TENM3: variants seen among roughly 807,000 people sequenced by gnomAD.
TENM3 encodes teneurin transmembrane protein 3, also known as teneurin-3.
TENM3 carries 63 observed loss-of-function variants against 255.1 expected under a neutral mutation model. The observed-to-expected ratio is 0.25, with a 90% CI of 0.20 to 0.30. The LOEUF (loss-of-function observed/expected upper bound fraction) is 0.30, where lower values mean the gene tolerates loss of function less well. TENM3 is among the 10% of genes least tolerant of loss of function. The pLI is 1.00. For synonymous variants in TENM3, 1,306 were observed against 1,322.3 expected (o/e 0.99, Z 0.27); for missense variants, 2,929 against 3,461.1 (o/e 0.85, Z 3.86).
chr4:181,889,165 G>A, the TENM3 span, among the ~76,000 whole-genome samples: 3 of 152,126 alleles, frequency 2.0e-5, no homozygotes, highest in Non-Finnish European at 4.4e-5. Context: ...TGTTAGAGGT[G>A]GGGCCCGGTG....
intron 1 of TENM3, among the ~76,000 whole-genome samples, chr4:182,252,777 T>C (rs1437966367): frequency 6.6e-6 from 1 of 150,518 alleles, no homozygotes; most frequent in Non-Finnish European, 1.5e-5. Context: ...ATTTATTCAG[T>C]GTCCGTTAAG....
chr4:181,725,297 A>G, the TENM3 span, among the ~76,000 whole-genome samples: 39,043 of 152,142 alleles, frequency 0.26, 5,168 homozygotes, highest in Middle Eastern at 0.33. Context: ...AGTATTGAAA[A>G]TACACATGCA....
At chr4:182,616,401 T>C (rs972419895) in intron 4 of TENM3, among the ~76,000 whole-genome samples, 40 of 149,758 alleles carry the variant, frequency 2.7e-4, no homozygotes, top group East Asian at 7.9e-4. Flanking sequence ...AGGGATAGCA[T>C]TGGGAGATAT....
rs80030802 is a variant in TENM3 at position 182,207,967 on chromosome 4, A to G, written c.-76+63213A>G. 7.1e-3 allele frequency among the ~76,000 whole-genome samples: 1,082 copies of G among 152,306 alleles called. 19 individuals carry two copies. Among genetic ancestry groups the G allele is most frequent in the African/African-American group, 0.025 (1,043 of 41,558 alleles). ...GCTGCTGCTGCTGTTGCTGTAATTT[A>G]CAAGAGAATGTCCTTGAAGTCGTGT... is the stretch of plus-strand genomic sequence containing the variant. On this transcript the variant is annotated intron_variant, in intron 1 of 2. Transcript: ENST00000512480.
the TENM3 span, among the ~76,000 whole-genome samples, chr4:181,670,111 T>G: frequency 6.6e-6 from 1 of 152,204 alleles, no homozygotes; most frequent in Admixed American, 6.6e-5. Flanking sequence ...TAATTTGACT[T>G]CTAGAAATTG....
At chr4:182,548,605 A>T (rs1741692089) in intron 3 of TENM3, 1 of 152,136 alleles carries the variant, frequency 6.6e-6, no homozygotes, top group African/African-American at 2.4e-5. Flanking sequence ...AGCGTGTGGG[A>T]CATTTGTTAA....
At chr4:182,736,730 A>G (rs1027330716) in intron 16 of TENM3, 78 bp from the exon 17 acceptor site, 3 of 1,305,720 alleles carry the variant, frequency 2.3e-6, no homozygotes, top group Non-Finnish European at 3.1e-6. Context: ...AATATAGTGA[A>G]TATGTGCTAC....
chr4:181,887,685 A>T, the TENM3 span, among the ~76,000 whole-genome samples: 1 of 152,220 alleles, frequency 6.6e-6, no homozygotes, highest in African/African-American at 2.4e-5. Context: ...TCTCTTCTGC[A>T]CACGCTCTGA....
the TENM3 span, among the ~76,000 whole-genome samples, chr4:181,747,846 C>A: frequency 6.6e-6 from 1 of 151,818 alleles, no homozygotes; most frequent in Non-Finnish European, 1.5e-5. Flanking sequence ...AGGTAAGAAT[C>A]CGGTTTTCTT....
chr4:182,119,154 G>A, the TENM3 span, among the ~76,000 whole-genome samples: 1 of 152,096 alleles, frequency 6.6e-6, no homozygotes, highest in East Asian at 1.9e-4. Context: ...CCTCCCCCCA[G>A]GTAGATTAGG....
At chr4:182,244,197 C>A (rs1344041890) in intron 1 of TENM3, among the ~76,000 whole-genome samples, 1 of 151,954 alleles carries the variant, frequency 6.6e-6, no homozygotes, top group Non-Finnish European at 1.5e-5. Context: ...TCGTGATCCG[C>A]CCGCCTCGGC....
chr4:181,895,120 G>A, the TENM3 span, among the ~76,000 whole-genome samples: 2 of 151,714 alleles, frequency 1.3e-5, no homozygotes, highest in Non-Finnish European at 2.9e-5. Flanking sequence ...ATTCTAATAA[G>A]CAGGAAGTTA....
At chr4:182,506,162 C>T (rs17322836) in intron 3 of TENM3, among the ~76,000 whole-genome samples, 41,558 of 152,098 alleles carry the variant, frequency 0.27, 6,455 homozygotes, top group South Asian at 0.37. Flanking sequence ...TAGTTACTTA[C>T]CATCGGCTTC....
At chr4:182,248,851 A>G (rs7687160) in intron 1 of TENM3, among the ~76,000 whole-genome samples, 76,961 of 152,054 alleles carry the variant, frequency 0.51, 20,556 homozygotes, top group South Asian at 0.72. Context: ...TTATAACCAT[A>G]TATATCTACA....
At chr4:181,764,125 AG>A in the TENM3 span, among the ~76,000 whole-genome samples, 2 of 152,248 alleles carry the variant, frequency 1.3e-5, no homozygotes, top group Non-Finnish European at 2.9e-5. Flanking sequence ...AGATTTTTCA[AG>A]GGGAAAATTC....
Position 182,628,873 on chromosome 4 carries a change from C to A in TENM3, c.972C>A (p.Leu324=), listed in dbSNP as rs780538741. 1.3e-6 allele frequency: 2 copies of A among 1,595,446 alleles called. No individual in the cohort carries two copies. The highest frequency in any genetic ancestry group is 2.3e-5 in the South Asian group (2 of 88,302). Residue 324 remains leucine, a synonymous_variant, in exon 5 of 28, where the codon CTC becomes CTA. Transcript: ENST00000511685. The part of the protein sequence containing the change: ...AVGVSVLLAI[L]LSYFIAMHLF... ...GGGTCTCGGTGCTCCTGGCAATACT[C>A]CTGTCTTATTTTATAGGTAAGAACA...
At chr4:181,878,604 A>AT in the TENM3 span, among the ~76,000 whole-genome samples, 1 of 152,012 alleles carries the variant, frequency 6.6e-6, no homozygotes, top group Non-Finnish European at 1.5e-5. Flanking sequence ...TTTTCCTAAT[A>AT]TTTTATAATA....
intron 1 of TENM3, among the ~76,000 whole-genome samples, chr4:182,175,314 A>AAAATATATAT (rs60217194): frequency 2.0e-4 from 24 of 117,574 alleles, no homozygotes; most frequent in African/African-American, 7.6e-4. Flanking sequence ...AAAAAAAAAA[A>AAAATATATAT]ATATATATAT....
the TENM3 span, among the ~76,000 whole-genome samples, chr4:181,614,630 C>T: frequency 3.9e-5 from 6 of 152,224 alleles, no homozygotes; most frequent in African/African-American, 1.2e-4. Context: ...TCAATGTGAG[C>T]TTACCACATT....
Sources: gnomAD v4.1 joint callset for allele counts (sites outside exome capture counted in the v4.1 genomes callset) on GRCh38, gnomAD v4.1.1 for gene constraint, MANE v1.5 for transcripts, NCBI Gene and HGNC (gene_info 2026-07-23, HGNC 2026-07-21) for gene names.